Variants in OSBPL10 observed in about 807,000 individuals in gnomAD.
The protein encoded by OSBPL10 is oxysterol-binding protein-related protein 10.
A neutral mutation model predicts 81.7 loss-of-function variants in OSBPL10; 49 were observed. The ratio of observed to expected loss-of-function variants is 0.60; its 90% CI spans 0.48 to 0.76. OSBPL10 has a LOEUF of 0.76. OSBPL10 is among the 30% of genes least tolerant of loss of function. The pLI, the probability that OSBPL10 is intolerant of heterozygous loss-of-function variation, is 0.00. For synonymous variants in OSBPL10, 419 were observed against 383.6 expected, an observed-to-expected ratio of 1.09 and a Z score of -1.08; for missense variants, 923 against 987.8, an observed-to-expected ratio of 0.93 and a Z score of 0.88.
intron 6 of OSBPL10, chr3:31,704,704 T>G (rs1239684279): frequency 6.6e-6 from 1 of 152,214 alleles, no homozygotes; most frequent in Non-Finnish European, 1.5e-5. Flanking sequence ...CTTCTAAAGC[T>G]GTGATTTCCT....
At chr3:31,761,988 G>C (rs375297828) in intron 4 of OSBPL10, among the ~76,000 whole-genome samples, 1 of 152,130 alleles carries the variant, frequency 6.6e-6, no homozygotes, top group East Asian at 1.9e-4. Flanking sequence ...TTGGAAGAAC[G>C]AGGTGGACCC....
intron 3 of OSBPL10, among the ~76,000 whole-genome samples, chr3:31,875,982 A>G (rs926911670): frequency 3.3e-5 from 5 of 152,158 alleles, no homozygotes; most frequent in Admixed American, 6.5e-5. Context: ...CTTGGATGCC[A>G]AATTACCCGA....
At chr3:31,666,316 C>T (rs1700190070) in intron 10 of OSBPL10, among the ~76,000 whole-genome samples, 3 of 152,202 alleles carry the variant, frequency 2.0e-5, no homozygotes. Flanking sequence ...CCGAAGACCA[C>T]AGAATTATCT....
intron 1 of OSBPL10, among the ~76,000 whole-genome samples, chr3:31,899,617 C>T (rs1696173268): frequency 6.6e-6 from 1 of 152,122 alleles, no homozygotes. Context: ...ACCACTGGAA[C>T]CCAGGAGCTT....
At chr3:31,861,731 T>G (rs1209092153) in intron 3 of OSBPL10, among the ~76,000 whole-genome samples, 1 of 152,186 alleles carries the variant, frequency 6.6e-6, no homozygotes, top group Non-Finnish European at 1.5e-5. Flanking sequence ...CTATTTTATT[T>G]TATCTCAACA....
intron 4 of OSBPL10, among the ~76,000 whole-genome samples, chr3:31,798,452 T>A (rs1355086687): frequency 6.6e-6 from 1 of 150,592 alleles, no homozygotes. Flanking sequence ...AAAACCAAAA[T>A]GCATGTGGAG....
intron 8 of OSBPL10, among the ~76,000 whole-genome samples, chr3:31,672,111 C>G (rs1475276762): frequency 6.6e-6 from 1 of 151,962 alleles, no homozygotes; most frequent in African/African-American, 2.4e-5. Context: ...GCTTCCAGTC[C>G]TCCAGTGGAA....
chr3:31,791,475 G>C (rs1699008406), intron 4 of OSBPL10, among the ~76,000 whole-genome samples: 2 of 152,148 alleles, frequency 1.3e-5, no homozygotes, highest in African/African-American at 4.8e-5. Flanking sequence ...TGATAGCCTT[G>C]CATCATTTTT....
intron 1 of OSBPL10, among the ~76,000 whole-genome samples, chr3:31,937,619 C>T (rs1697414552): frequency 6.6e-6 from 1 of 152,078 alleles, no homozygotes; most frequent in African/African-American, 2.4e-5. Flanking sequence ...GACCCTTTCC[C>T]ACAATATCAC....
intron 3 of OSBPL10, among the ~76,000 whole-genome samples, chr3:31,834,870 C>T (rs1700328718): frequency 6.6e-6 from 1 of 152,152 alleles, no homozygotes; most frequent in South Asian, 2.1e-4. Context: ...CAAATCTGGG[C>T]TCCAACACTT....
intron 4 of OSBPL10, among the ~76,000 whole-genome samples, chr3:31,825,619 A>G (rs1365476560): frequency 6.6e-6 from 1 of 152,154 alleles, no homozygotes; most frequent in African/African-American, 2.4e-5. Context: ...ACCCAGCCCC[A>G]TAAGACTTCT....
At chr3:31,811,503 C>T (rs1029988873) in intron 4 of OSBPL10, among the ~76,000 whole-genome samples, 4 of 152,126 alleles carry the variant, frequency 2.6e-5, no homozygotes, top group African/African-American at 9.7e-5. Context: ...GGAGCCTGTG[C>T]CTCAAAGAAA....
chr3:31,983,156 C>T (rs1466754380), upstream of OSBPL10, among the ~76,000 whole-genome samples: 1 of 152,126 alleles, frequency 6.6e-6, no homozygotes, highest in Admixed American at 6.6e-5. Context: ...TATTTTTTAC[C>T]ACAGCATAGC....
intron 1 of OSBPL10, among the ~76,000 whole-genome samples, chr3:31,945,277 G>A (rs1030986105): frequency 3.3e-5 from 5 of 151,786 alleles, no homozygotes; most frequent in African/African-American, 9.7e-5. Context: ...TCAAATTCCT[G>A]CCACTAGGAC....
At chr3:31,794,259 C>T (rs530836988) in intron 4 of OSBPL10, among the ~76,000 whole-genome samples, 2 of 152,220 alleles carry the variant, frequency 1.3e-5, no homozygotes, top group Non-Finnish European at 2.9e-5. Context: ...ATTCTCCTGC[C>T]TCAGCTTCCC....
intron 2 of OSBPL10, among the ~76,000 whole-genome samples, chr3:32,003,571 C>T (rs763899439): frequency 6.6e-6 from 1 of 152,206 alleles, no homozygotes; most frequent in Non-Finnish European, 1.5e-5. Context: ...TTTCTGAGAA[C>T]TGAATATACC....
intron 1 of OSBPL10, among the ~76,000 whole-genome samples, chr3:31,883,292 T>C (rs1695641539): frequency 6.6e-6 from 1 of 151,092 alleles, no homozygotes; most frequent in African/African-American, 2.4e-5. Context: ...CAGGCTAGAG[T>C]GCAATGGCAC....
intron 2 of OSBPL10, among the ~76,000 whole-genome samples, chr3:32,016,668 G>T (rs1006541881): frequency 3.5e-4 from 54 of 152,212 alleles, no homozygotes; most frequent in Middle Eastern, 3.4e-3. Flanking sequence ...GCTGCTTTTG[G>T]TAATTAGAAT....
intron 3 of OSBPL10, among the ~76,000 whole-genome samples, chr3:31,855,725 C>A (rs1033971549): frequency 6.6e-6 from 1 of 152,142 alleles, no homozygotes; most frequent in African/African-American, 2.4e-5. Flanking sequence ...AGCCTTTCCT[C>A]CAATGTTAGC....
Sources: gnomAD v4.1 joint callset for allele counts (sites outside exome capture counted in the v4.1 genomes callset) on GRCh38, gnomAD v4.1.1 for gene constraint, MANE v1.5 for transcripts, NCBI Gene and HGNC (gene_info 2026-07-23, HGNC 2026-07-21) for gene names.